Variants in MYO19 observed in about 807,000 individuals in gnomAD.
The protein encoded by MYO19 is unconventional myosin-XIX.
Under a neutral mutation model 129.2 loss-of-function variants are expected in MYO19, and 132 were observed. That is an observed-to-expected ratio of 1.02 (90% CI 0.89 to 1.18). MYO19 has a LOEUF of 1.18. Among genes scored for constraint, MYO19 ranks in the 50% most tolerant of loss-of-function variants. The pLI, the probability that MYO19 is intolerant of heterozygous loss-of-function variation, is 0.00. For synonymous variants in MYO19, 531 were observed against 477.2 expected (o/e 1.11, Z -1.47); for missense variants, 1,210 against 1,216.7 (o/e 0.99, Z 0.08).
rs531877581 is a variant in MYO19 at position 36,510,876 on chromosome 17, C to T, written c.1027G>A (p.Asp343Asn). The T allele has an allele frequency of 8.0e-5, 126 of 1,582,086 alleles. No individual in the cohort carries two copies. Among genetic ancestry groups the T allele is most frequent in the Non-Finnish European group, 1.1e-4 (123 of 1,163,956 alleles). The part of the protein sequence containing the change: ...TAASLLGLPE[D>N]VLLEMVQIRT... ...ATCTGCACCATCTCCAGCAGCACGT[C>T]CTCTGGGAGCCCCAGCAGCGAGGCT... The change falls in exon 13 of 26, where the codon GAC (aspartate) becomes AAC (asparagine). Residue 343 changes from aspartate to asparagine, a missense_variant. Transcript: ENST00000614623.
At chr17:36,529,845 C>T (rs2073721034) in intron 3 of MYO19, among the ~76,000 whole-genome samples, 1 of 152,268 alleles carries the variant, frequency 6.6e-6, no homozygotes, top group Non-Finnish European at 1.5e-5. Context: ...GCTCTGAATC[C>T]TGACTCTATC....
chr17:36,532,445 C>T, intron 3 of MYO19, 82 bp downstream of exon 3: 2 of 1,513,402 alleles, frequency 1.3e-6, no homozygotes, highest in South Asian at 1.2e-5. Context: ...TTTAAGGGGG[C>T]TTTCCCTTCC....
chr17:36,531,584 CT>C (rs967462421), intron 3 of MYO19, among the ~76,000 whole-genome samples: 20 of 150,696 alleles, frequency 1.3e-4, no homozygotes, highest in African/African-American at 4.2e-4. Flanking sequence ...ATTGATATAC[CT>C]TTTTTTTAAT....
At chr17:36,514,656 C>A in intron 8 of MYO19, 108 bp from the exon 9 acceptor site, 2 of 730,528 alleles carry the variant, frequency 2.7e-6, no homozygotes, top group Non-Finnish European at 4.8e-6. Flanking sequence ...CCCCGCCAAG[C>A]TCTTCCACTT....
In MYO19 at chr17:36,515,865, T is replaced by C; in HGVS notation, c.540A>G (p.Glu180=). 1 of 1,612,372 alleles carries C rather than the reference T, an allele frequency of 6.2e-7. No homozygotes were observed. Among genetic ancestry groups the C allele is most frequent in the Admixed American group, 1.7e-5 (1 of 59,982 alleles). Residue 180 remains glutamate (E), a synonymous_variant, in exon 7 of 26, where the codon GAA becomes GAG. Transcript: ENST00000614623. ...AAAGGAGCCCAAGCTCACCAAAAGC[T>C]TCCATGACAGGGTTGGAGTTCAGGA... ...QRILNSNPVM[E]AFGNACTLRN...
chr17:36,537,508 C>T (rs762208126), upstream of MYO19: 2 of 1,614,114 alleles, frequency 1.2e-6, no homozygotes, highest in Admixed American at 1.7e-5. Context: ...CGTGTAATTA[C>T]CAGTGCGTTT....
intron 3 of MYO19, among the ~76,000 whole-genome samples, chr17:36,528,764 G>A (rs560528680): frequency 8.3e-4 from 126 of 152,148 alleles, no homozygotes; most frequent in African/African-American, 2.9e-3. Context: ...GAAAAGAAGA[G>A]ATATACAAAG....
rs757098757 is a variant in MYO19 at position 36,515,907 on chromosome 17, C to G, written c.498G>C (p.Glu166Asp). 1 of 1,613,914 alleles carries G rather than the reference C, an allele frequency of 6.2e-7. No homozygotes were observed. Among genetic ancestry groups the G allele is most frequent in the Admixed American group, 1.7e-5 (1 of 60,020 alleles). The change falls in exon 7 of 26, where the codon GAG becomes GAC. Residue 166 changes from glutamate (E) to aspartate (D), a missense_variant. By Grantham distance (45) the Glu-to-Asp change is conservative. Coordinates refer to ENST00000614623, the MANE Select transcript of MYO19 (RefSeq NM_001163735.2). ...PASWESHKIAERIEQRILNSN... is the reference protein window; with the variant it reads ...PASWESHKIADRIEQRILNSN... ...AGTTCAGGATCCTCTGTTCTATCCT[C>G]TCTGCAATCTTGTGGCTCTCCCAAG...
At chr17:36,520,633 T>TCAA (rs1387366887) in intron 6 of MYO19, among the ~76,000 whole-genome samples, 2 of 151,980 alleles carry the variant, frequency 1.3e-5, no homozygotes, top group East Asian at 3.8e-4. Flanking sequence ...CTCAGCCTAC[T>TCAA]CAAAGTGAAG....
In MYO19 at chr17:36,532,695, G is replaced by C. The variant is rs2142503867; in HGVS notation, c.-143-14C>G. On this transcript the variant is annotated splice_polypyrimidine_tract_variant and intron_variant, in intron 2 of 25. Coordinates refer to ENST00000614623, the MANE Select transcript of MYO19 (RefSeq NM_001163735.2). ...TCACTCCAGCGCCTGTGGCATGAGA[G>C]AGAAGACAAGGACCACACACAGGTG... is the stretch of plus-strand genomic sequence containing the variant. 1.2e-6 allele frequency: 1 copy of C among 856,466 alleles called. No homozygotes were observed. The highest frequency in any genetic ancestry group is 1.9e-6 in the Non-Finnish European group (1 of 532,670). 53.1% of individuals were successfully genotyped at this position (856,466 alleles called of 1,614,324 possible).
intron 3 of MYO19, 27 bp from the exon 4 acceptor site, chr17:36,528,229 C>T (rs758643374): frequency 1.9e-6 from 3 of 1,550,464 alleles, no homozygotes; most frequent in South Asian, 1.2e-5. Context: ...GAAGGTGAGG[C>T]CAGGCACAGT....
At chr17:36,519,764 T>C (rs1367426826) in intron 6 of MYO19, among the ~76,000 whole-genome samples, 1 of 152,184 alleles carries the variant, frequency 6.6e-6, no homozygotes, top group Non-Finnish European at 1.5e-5. Context: ...AGTGCAAGTC[T>C]GCAGGCAATG....
In MYO19 at chr17:36,505,417, G is replaced by C. The variant is rs2071815786; in HGVS notation, c.1798-13C>G. On this transcript the variant is annotated splice_polypyrimidine_tract_variant and intron_variant, in intron 18 of 25. Transcript: ENST00000614623. The stretch of plus-strand genomic sequence containing the variant: ...GCTCCAGTGAGGCCTGCAGATGAGA[G>C]ACCATGGGGTTAGGCAGGGAGAGGG... 2 of 1,610,270 alleles carry C rather than the reference G, an allele frequency of 1.2e-6. No homozygotes were observed. The highest frequency in any genetic ancestry group is 8.5e-7 in the Non-Finnish European group (1 of 1,176,862).
At chr17:36,538,084 A>AC, upstream of MYO19, 1 of 1,614,242 alleles carries the variant, frequency 6.2e-7, no homozygotes, top group South Asian at 1.1e-5. Flanking sequence ...TATATGCATA[A>AC]GAACCGATCA....
intron 3 of MYO19, among the ~76,000 whole-genome samples, chr17:36,531,550 G>A (rs1345994590): frequency 6.6e-6 from 1 of 151,528 alleles, no homozygotes; most frequent in African/African-American, 2.4e-5. Flanking sequence ...TTATATTTTT[G>A]TGTAACTTGC....
rs1444917048 is a variant in MYO19 at position 36,496,425 on chromosome 17, T to TG, written c.2758-20dup. The TG allele has an allele frequency of 6.2e-7, 1 of 1,613,320 alleles. No individual in the cohort carries two copies. Among genetic ancestry groups the TG allele is most frequent in the South Asian group, 1.1e-5 (1 of 91,044 alleles). On this transcript the variant is annotated intron_variant, in intron 25 of 25. Coordinates refer to ENST00000614623, the MANE Select transcript of MYO19 (RefSeq NM_001163735.2). ...TCGATCCCTAGAGGGGAGAGAGAGA[T>TG]GCAGCTTTAGCACTAGTTCCTGGGA... is the stretch of plus-strand genomic sequence containing the variant.
intron 6 of MYO19, among the ~76,000 whole-genome samples, chr17:36,524,623 T>C (rs1384348220): frequency 6.6e-6 from 1 of 152,222 alleles, no homozygotes; most frequent in Non-Finnish European, 1.5e-5. Flanking sequence ...CCCCAACACC[T>C]GGCCCAATAT....
At chr17:36,539,630 G>A (rs986980562), upstream of MYO19, among the ~76,000 whole-genome samples, 4 of 151,850 alleles carry the variant, frequency 2.6e-5, no homozygotes, top group South Asian at 2.1e-4. Flanking sequence ...GACTGAATTG[G>A]ATGTTATATT....
In MYO19 at chr17:36,498,347, G is replaced by A; in HGVS notation, c.2676C>T (p.Leu892=). ...RKLVVWACLQ[L]PRGSPSSYTV... ...TGTAGCTACTGGGGCTGCCCCTGGG[G>A]AGCTGGAGGCAAGCCCAGACCACTA... Residue 892 remains leucine, a synonymous_variant, in exon 25 of 26, where the codon CTC becomes CTT. Transcript: ENST00000614623. 6.2e-7 allele frequency: 1 copy of A among 1,614,026 alleles called. No homozygotes were observed. The highest frequency in any genetic ancestry group is 8.5e-7 in the Non-Finnish European group (1 of 1,179,900).
Sources: gnomAD v4.1 joint callset for allele counts (sites outside exome capture counted in the v4.1 genomes callset) on GRCh38, gnomAD v4.1.1 for gene constraint, MANE v1.5 for transcripts, NCBI Gene and HGNC (gene_info 2026-07-23, HGNC 2026-07-21) for gene names.